The following ELOVL6 variants were observed in gnomAD, a reference collection of about 807,000 sequenced individuals.
ELOVL6 encodes ELOVL fatty acid elongase 6, also known as very long chain fatty acid elongase 6.
A neutral mutation model predicts 31.7 loss-of-function variants in ELOVL6; 8 were observed. The observed-to-expected ratio is 0.25, with a 90% CI of 0.15 to 0.45. The LOEUF (loss-of-function observed/expected upper bound fraction) is 0.45, where lower values mean the gene tolerates loss of function less well. Among genes scored for constraint, ELOVL6 ranks in the 20% least tolerant of loss-of-function variants. The pLI, the probability that ELOVL6 is intolerant of heterozygous loss-of-function variation, is 1.00. For synonymous variants in ELOVL6, 101 were observed against 117.7 expected, an observed-to-expected ratio of 0.86 and a Z score of 0.92; for missense variants, 126 against 326.4, an observed-to-expected ratio of 0.39 and a Z score of 4.73.
At chr4:110,197,981 A>G (rs1560869218) in intron 1 of ELOVL6, 2 of 540,476 alleles carry the variant, frequency 3.7e-6, no homozygotes, top group South Asian at 4.3e-5. Context: ...CACCCTGTGC[A>G]CACACATATG....
At chr4:110,146,056 A>C (rs1758100931) in intron 1 of ELOVL6, among the ~76,000 whole-genome samples, 1 of 152,214 alleles carries the variant, frequency 6.6e-6, no homozygotes, top group Non-Finnish European at 1.5e-5. Context: ...AATAGCAGCA[A>C]AAAGAACAAA....
rs568637073 is a variant in ELOVL6, at chr4:110,171,597, G to A, written c.89+26650C>T. ...TGGAGGTTACTGGAGGGTGGTGCAC[G>A]TAGGGAGGACGTGGAAGCTCCAAGC... On this transcript the variant is annotated intron_variant, in intron 1 of 3. Coordinates refer to ENST00000302274, the MANE Select transcript of ELOVL6 (RefSeq NM_024090.3). Among the ~76,000 whole-genome samples, 413 of 151,304 alleles carry A rather than the reference G, an allele frequency of 2.7e-3. 2 individuals are homozygous for A. The highest frequency in any genetic ancestry group is 5.1e-3 in the African/African-American group (212 of 41,276).
chr4:110,143,701 T>G (rs958738520), intron 1 of ELOVL6, among the ~76,000 whole-genome samples: 2 of 152,198 alleles, frequency 1.3e-5, no homozygotes, highest in African/African-American at 4.8e-5. Flanking sequence ...ATTAGAAAGT[T>G]AGTTTTCCAT....
chr4:110,084,136 T>C (rs1177614513), intron 2 of ELOVL6, among the ~76,000 whole-genome samples: 2 of 43,672 alleles, frequency 4.6e-5, no homozygotes, highest in African/African-American at 1.6e-4. Flanking sequence ...TATGTGATAA[T>C]GATATATATG....
chr4:110,083,985 TACGATATATAAC>T lies in ELOVL6; in HGVS notation c.221+21500_221+21511del, dbSNP rs1560813349. Among the ~76,000 whole-genome samples the T allele has an allele frequency of 1.9e-3, 144 of 74,284 alleles. 16 individuals are homozygous for T. Among genetic ancestry groups the T allele is most frequent in the African/African-American group, 9.0e-3 (137 of 15,202 alleles). 48.7% of individuals were successfully genotyped at this position (74,284 alleles called of 152,430 possible). ...TATATATGATATAACATATGCCATA[TACGATATATAAC>T]ATATGCCATATATGGTATATAACAT... On this transcript the variant is annotated intron_variant, in intron 2 of 3. Coordinates refer to ENST00000302274, the MANE Select transcript of ELOVL6 (RefSeq NM_024090.3).
chr4:110,151,736 A>G (rs948272945), intron 1 of ELOVL6, among the ~76,000 whole-genome samples: 1 of 152,234 alleles, frequency 6.6e-6, no homozygotes, highest in Non-Finnish European at 1.5e-5. Flanking sequence ...GGACTTTTGA[A>G]TGAGAGATCC....
At chr4:110,075,782 C>A (rs1755611229) in intron 2 of ELOVL6, among the ~76,000 whole-genome samples, 1 of 152,140 alleles carries the variant, frequency 6.6e-6, no homozygotes, top group Non-Finnish European at 1.5e-5. Flanking sequence ...ACCACAGCAG[C>A]ACAAAAAGAT....
chr4:110,177,237 A>G (rs1353809179), intron 1 of ELOVL6, among the ~76,000 whole-genome samples: 2 of 152,156 alleles, frequency 1.3e-5, no homozygotes, highest in African/African-American at 4.8e-5. Flanking sequence ...TAAGAGTTCA[A>G]GACCAACCTG....
chr4:110,120,802 T>TTC (rs200571562), intron 1 of ELOVL6, among the ~76,000 whole-genome samples: 2,571 of 141,326 alleles, frequency 0.018, 52 homozygotes, highest in Non-Finnish European at 0.033. Flanking sequence ...TCTTTTCTTT[T>TTC]TTTTTTTTTT....
intron 1 of ELOVL6, among the ~76,000 whole-genome samples, chr4:110,149,508 T>C (rs894443587): frequency 2.6e-5 from 4 of 152,208 alleles, no homozygotes; most frequent in Non-Finnish European, 5.9e-5. Flanking sequence ...GCCATTATCT[T>C]AAGTGAAACA....
chr4:110,182,561 AT>A (rs1394602301), intron 1 of ELOVL6, among the ~76,000 whole-genome samples: 4 of 152,236 alleles, frequency 2.6e-5, no homozygotes, highest in African/African-American at 9.7e-5. Context: ...GACCACATGG[AT>A]AATCACACCA....
At chr4:110,084,595 T>TTG (rs1756190257) in intron 2 of ELOVL6, among the ~76,000 whole-genome samples, 1 of 49,904 alleles carries the variant, frequency 2.0e-5, no homozygotes, top group Admixed American at 2.0e-4. Context: ...TATATTTTTT[T>TTG]TTTTTTTTTT....
intron 1 of ELOVL6, among the ~76,000 whole-genome samples, chr4:110,149,748 A>G (rs1349623919): frequency 1.3e-5 from 2 of 152,220 alleles, no homozygotes; most frequent in East Asian, 3.8e-4. Context: ...CTTGTACTCC[A>G]TGAGTATAAA....
chr4:110,180,576 T>C (rs74538604), intron 1 of ELOVL6, among the ~76,000 whole-genome samples: 2,393 of 152,270 alleles, frequency 0.016, 63 homozygotes, highest in African/African-American at 0.054. Flanking sequence ...TTTTTATTTT[T>C]TTAATAAAGC....
At chr4:110,184,541 A>G (rs1024151374) in intron 1 of ELOVL6, among the ~76,000 whole-genome samples, 1 of 152,230 alleles carries the variant, frequency 6.6e-6, no homozygotes, top group African/African-American at 2.4e-5. Context: ...ACGGGAAACC[A>G]CTGAAGGTTT....
chr4:110,197,962 C>A, intron 1 of ELOVL6: 1 of 478,472 alleles, frequency 2.1e-6, no homozygotes, highest in Non-Finnish European at 3.8e-6. Context: ...TTCCCTGTCG[C>A]GCAGACATCA....
rs1754748650 is a variant in ELOVL6 at position 110,048,276 on chromosome 4, C to G, written c.*3062G>C. The G allele has an allele frequency of 1.3e-5, 2 of 152,174 alleles. No homozygotes were observed. Among genetic ancestry groups the G allele is most frequent in the Non-Finnish European group, 2.9e-5 (2 of 68,026 alleles). 9.4% of individuals were successfully genotyped at this position (152,174 alleles called of 1,614,324 possible). A position where few individuals can be genotyped will look rare whatever the true frequency, so the allele number is the denominator to read the frequency against. On this transcript the variant is annotated 3_prime_UTR_variant, in exon 4 of 4. Transcript: ENST00000302274. ...AGTTACTCTTTTCCCATAAGCAACACTAGAAGGTCCACGTAAACCCCCTGC... is the reference window on the plus strand; with the variant it reads ...AGTTACTCTTTTCCCATAAGCAACAGTAGAAGGTCCACGTAAACCCCCTGC...
At chr4:110,189,412 C>T (rs1759542369) in intron 1 of ELOVL6, among the ~76,000 whole-genome samples, 1 of 150,606 alleles carries the variant, frequency 6.6e-6, no homozygotes, top group Admixed American at 6.6e-5. Flanking sequence ...CATGGTGAAA[C>T]CCCGTCTCTG....
At chr4:110,126,917 T>C (rs1757513454) in intron 1 of ELOVL6, among the ~76,000 whole-genome samples, 1 of 152,012 alleles carries the variant, frequency 6.6e-6, no homozygotes, top group African/African-American at 2.4e-5. Context: ...TTTGATAACA[T>C]GCATATCAAA....
Sources: allele counts gnomAD v4.1 joint callset (sites outside exome capture counted in the v4.1 genomes callset), GRCh38; gene constraint gnomAD v4.1.1; transcripts MANE v1.5; gene names NCBI Gene and HGNC (gene_info 2026-07-23, HGNC 2026-07-21).